The following BAHCC1 variants were observed in gnomAD, a reference collection of about 807,000 sequenced individuals.
BAHCC1 encodes BAH domain and coiled-coil containing 1.
BAHCC1 carries 43 observed loss-of-function variants against 88.2 expected under a neutral mutation model. That is an observed-to-expected ratio of 0.49 (90% CI 0.38 to 0.63). BAHCC1 has a LOEUF of 0.63. Among genes scored for constraint, BAHCC1 ranks in the 20% least tolerant of loss-of-function variants. The pLI, the probability that BAHCC1 is intolerant of heterozygous loss-of-function variation, is 0.00. For missense variants in BAHCC1, 3,023 were observed against 1,654.8 expected (o/e 1.83, Z -14.34); for synonymous variants, 1,510 against 745.5 (o/e 2.03, Z -16.71).
Position 81,462,883 on chromosome 17 carries a change from G to C in BAHCC1, c.7527G>C (p.Met2509Ile). The C allele has an allele frequency of 2.5e-6, 2 of 785,292 alleles. No homozygotes were observed. The allele number at this position is 785,292 out of a possible 1,614,324, so 48.6% of individuals were successfully genotyped here. A position where few individuals can be genotyped will look rare whatever the true frequency, so the allele number is the denominator to read the frequency against. ...CCTACATCGGCCGCATCGAGAGCAT[G>C]TGGGAGTCGTGGGGCAGCAACATGG... ...NLPYIGRIES[M>I]WESWGSNMVV... is the part of the protein sequence containing the mutation. Residue 2509 changes from methionine to isoleucine, a missense_variant, in exon 27 of 28, where the codon ATG becomes ATC. Coordinates refer to ENST00000675386, the MANE Select transcript of BAHCC1 (RefSeq NM_001377448.1).
Position 81,442,338 on chromosome 17 carries a change from CCGG to C in BAHCC1, c.990_992del (p.Gly331del), listed in dbSNP as rs1568017707. On this transcript the variant is annotated inframe_deletion, in exon 5 of 28. Transcript: ENST00000675386. Reference sequence around the variant, plus strand: ...AAGGAGGCAGCAGGCCCCCCGGAGCCCGGGCCGGCCTTCAGCGAGTGCCTGGAG... The same window carrying C: ...AAGGAGGCAGCAGGCCCCCCGGAGCCGCCGGCCTTCAGCGAGTGCCTGGAG... The C allele has an allele frequency of 1.4e-6, 1 of 692,782 alleles. No homozygotes were observed. The highest frequency in any genetic ancestry group is 2.1e-5 in the Admixed American group (1 of 47,342). The allele number at this position is 692,782 out of a possible 1,614,324, so 42.9% of individuals were successfully genotyped here.
chr17:81,458,553 T>A, intron 18 of BAHCC1, 68 bp from the exon 19 acceptor site: 1 of 492,412 alleles, frequency 2.0e-6, no homozygotes, highest in Admixed American at 2.8e-5. Context: ...CGCTGGCCCC[T>A]GAGCTCTGGG....
At chr17:81,446,219 C>G (rs2064524118) in intron 10 of BAHCC1, among the ~76,000 whole-genome samples, 1 of 152,234 alleles carries the variant, frequency 6.6e-6, no homozygotes, top group Admixed American at 6.5e-5. Flanking sequence ...AAAACCCGTC[C>G]TAGTTTCACA....
intron 3 of BAHCC1, among the ~76,000 whole-genome samples, chr17:81,429,692 G>T (rs1035124042): frequency 3.3e-5 from 5 of 152,334 alleles, no homozygotes; most frequent in Non-Finnish European, 7.4e-5. Flanking sequence ...CCTTGCCCAC[G>T]TTTCCTCCTA....
chr17:81,439,954 C>T (rs2064388454), intron 4 of BAHCC1, among the ~76,000 whole-genome samples: 1 of 152,174 alleles, frequency 6.6e-6, no homozygotes, highest in South Asian at 2.1e-4. Context: ...GCCTGCACTT[C>T]CTCGCCTGCA....
At position 81,442,462 on chromosome 17, in the gene BAHCC1, G is replaced by C. The variant is rs1410855962; in HGVS notation, c.1113G>C (p.Gly371=). Residue 371 remains glycine (G), a synonymous_variant, in exon 5 of 28, where the codon GGG becomes GGC. Coordinates refer to ENST00000675386, the MANE Select transcript of BAHCC1 (RefSeq NM_001377448.1). Reference sequence around the variant, plus strand: ...CCTTCCCCTGCCTGCAGCTGCACGGGGGCCCTGACGGGCTCTGCCCGCTGC... The same window carrying C: ...CCTTCCCCTGCCTGCAGCTGCACGGCGGCCCTGACGGGCTCTGCCCGCTGC... ...AGSFPCLQLH[G]GPDGLCPLQD... 4 of 716,532 alleles carry C rather than the reference G, an allele frequency of 5.6e-6. No homozygotes were observed. The African/African-American group carries it at 7.0e-5, about 13-fold the overall frequency. The allele number at this position is 716,532 out of a possible 1,614,324, so 44.4% of individuals were successfully genotyped here.
chr17:81,440,915 G>T (rs1046383761), intron 4 of BAHCC1, among the ~76,000 whole-genome samples: 11 of 152,230 alleles, frequency 7.2e-5, no homozygotes, highest in African/African-American at 2.4e-4. Flanking sequence ...AGGTGGGTGA[G>T]CCCTTCCTCC....
At chr17:81,453,598 C>A (rs1008665773) in intron 14 of BAHCC1, among the ~76,000 whole-genome samples, 2 of 152,032 alleles carry the variant, frequency 1.3e-5, no homozygotes, top group Non-Finnish European at 2.9e-5. Flanking sequence ...GCTGCCCCCC[C>A]CCAGAGCTGC....
chr17:81,456,192 G>A (rs1228110128), intron 15 of BAHCC1, 105 bp from the exon 16 acceptor site: 23 of 626,166 alleles, frequency 3.7e-5, no homozygotes, highest in Non-Finnish European at 5.7e-5. Flanking sequence ...GGGGCCTCGA[G>A]GTACCAGTTC....
At chr17:81,454,498 C>T (rs1555656702) in intron 14 of BAHCC1, among the ~76,000 whole-genome samples, 2 of 152,110 alleles carry the variant, frequency 1.3e-5, no homozygotes, top group African/African-American at 4.8e-5. Context: ...CAACGGGGTC[C>T]CTGGGGACTC....
intron 3 of BAHCC1, among the ~76,000 whole-genome samples, chr17:81,437,982 G>T (rs2064358887): frequency 6.6e-6 from 1 of 152,230 alleles, no homozygotes; most frequent in South Asian, 2.1e-4. Flanking sequence ...TCCGGGCCTG[G>T]TTCTCCTTTG....
rs1257971470 is a variant in BAHCC1 at position 81,444,369 on chromosome 17, C to T, written c.2325-12C>T. ...TGGCGCCGGCGGCAGGGCTGAGCCC[C>T]AGGTCTTACAGGGACAGCAAAGACC... On this transcript the variant is annotated splice_polypyrimidine_tract_variant and intron_variant, in intron 6 of 27. Transcript: ENST00000675386. 8 of 729,102 alleles carry T rather than the reference C, an allele frequency of 1.1e-5. No homozygotes were observed. The highest frequency in any genetic ancestry group is 5.7e-5 in the Admixed American group (3 of 52,768). 45.2% of individuals were successfully genotyped at this position (729,102 alleles called of 1,614,324 possible). A position where few individuals can be genotyped will look rare whatever the true frequency, so the allele number is the denominator to read the frequency against.
rs1429529026 is a variant in BAHCC1 at position 81,461,491 on chromosome 17, C to T, written c.6828C>T (p.Gly2276=). ...GGCTGGCGCTGCGCAAGTACGCGGG[C>T]CAGGCAGAGTTCCCGCTGCCCTACG... ...PMGLALRKYA[G]QAEFPLPYDS... The change falls in exon 26 of 28, where the codon GGC becomes GGT. Residue 2276 remains glycine, a synonymous_variant. Transcript: ENST00000675386. 5 of 744,182 alleles carry T rather than the reference C, an allele frequency of 6.7e-6. No individual in the cohort carries two copies. The highest frequency in any genetic ancestry group is 1.2e-5 in the Non-Finnish European group (5 of 401,036). 46.1% of individuals were successfully genotyped at this position (744,182 alleles called of 1,614,324 possible).
Position 81,442,371 on chromosome 17 carries a change from G to T in BAHCC1, c.1022G>T (p.Arg341Leu). ...GCCTTCAGCGAGTGCCTGGAGCGGC[G>T]GCAGATGCTACACCACACCGCATCC... The part of the protein sequence containing the change: ...GPAFSECLER[R>L]QMLHHTASYA... The change falls in exon 5 of 28, where the codon CGG becomes CTG. Residue 341 changes from arginine to leucine, a missense_variant. Physicochemically the swap from Arg to Leu is moderately radical, Grantham distance 102. Transcript: ENST00000675386. 1 of 701,876 alleles carries T rather than the reference G, an allele frequency of 1.4e-6. No individual in the cohort carries two copies. The allele number at this position is 701,876 out of a possible 1,614,324, so 43.5% of individuals were successfully genotyped here. A position where few individuals can be genotyped will look rare whatever the true frequency, so the allele number is the denominator to read the frequency against.
chr17:81,405,046 TTTTG>T (rs1555646623), intron 2 of BAHCC1, among the ~76,000 whole-genome samples: 1 of 151,054 alleles, frequency 6.6e-6, no homozygotes, highest in Non-Finnish European at 1.5e-5. Flanking sequence ...GTCTGGTGTG[TTTTG>T]TTTTTGTTTT....
Position 81,399,865 on chromosome 17 carries a change from C to A in BAHCC1, c.126C>A (p.His42Gln). The change falls in exon 2 of 28, where the codon CAC becomes CAA. Residue 42 changes from histidine (H) to glutamine (Q), a missense_variant. His to Gln is a conservative substitution (Grantham distance 24). Coordinates refer to ENST00000675386, the MANE Select transcript of BAHCC1 (RefSeq NM_001377448.1). The surrounding 1 kb of genome is among the most constrained non-coding windows in gnomAD (Gnocchi z 4.5). ...PAGPAAQPPA[H>Q]FQPGKYFPSP... ...GGCCCGCCGCGCAGCCCCCCGCACA[C>A]TTCCAGCCGGGAAAGTACTTCCCGT... The A allele has an allele frequency of 6.9e-7, 1 of 1,450,766 alleles. No individual in the cohort carries two copies. 89.9% of individuals were successfully genotyped at this position (1,450,766 alleles called of 1,614,324 possible). A position where few individuals can be genotyped will look rare whatever the true frequency, so the allele number is the denominator to read the frequency against.
At chr17:81,412,362 TA>T (rs1200394406) in intron 2 of BAHCC1, among the ~76,000 whole-genome samples, 4 of 152,244 alleles carry the variant, frequency 2.6e-5, no homozygotes, top group Admixed American at 2.0e-4. Flanking sequence ...GGCTAACTCT[TA>T]AAAAGCCCTT....
At position 81,461,497 on chromosome 17, in the gene BAHCC1, A is replaced by G; in HGVS notation, c.6834A>G (p.Ala2278=). The G allele has an allele frequency of 1.3e-6, 1 of 743,656 alleles. No homozygotes were observed. The highest frequency in any genetic ancestry group is 2.5e-5 in the East Asian group (1 of 39,430). The allele number at this position is 743,656 out of a possible 1,614,324, so 46.1% of individuals were successfully genotyped here. A position where few individuals can be genotyped will look rare whatever the true frequency, so the allele number is the denominator to read the frequency against. The change falls in exon 26 of 28, where the codon GCA becomes GCG. Residue 2278 remains alanine (A), a synonymous_variant. Coordinates refer to ENST00000675386, the MANE Select transcript of BAHCC1 (RefSeq NM_001377448.1). ...CGCTGCGCAAGTACGCGGGCCAGGCAGAGTTCCCGCTGCCCTACGACAGCG... is the reference window on the plus strand; with the variant it reads ...CGCTGCGCAAGTACGCGGGCCAGGCGGAGTTCCCGCTGCCCTACGACAGCG... ...GLALRKYAGQ[A]EFPLPYDSDC...
chr17:81,447,044 C>T lies in BAHCC1; in HGVS notation c.3172C>T (p.Pro1058Ser), dbSNP rs2064542009. 3.9e-6 allele frequency: 3 copies of T among 779,202 alleles called. No individual in the cohort carries two copies. Among genetic ancestry groups the T allele is most frequent in the East Asian group, 2.4e-5 (1 of 41,266 alleles). 48.3% of individuals were successfully genotyped at this position (779,202 alleles called of 1,614,324 possible). ...DIITSEPDLPPGYLRPMAGLG... is the reference protein window; with the variant it reads ...DIITSEPDLPSGYLRPMAGLG... ...TGTCCCCTCCTTTGCAGACCTGCCT[C>T]CCGGATACCTGCGCCCCATGGCTGG... is the stretch of plus-strand genomic sequence containing the variant. Residue 1058 changes from proline to serine, a missense_variant, in exon 11 of 28, where the codon CCC (proline) becomes TCC (serine). Pro to Ser is a moderately conservative substitution (Grantham distance 74, BLOSUM62 -1). Transcript: ENST00000675386.
Sources: gnomAD v4.1 joint callset for allele counts (sites outside exome capture counted in the v4.1 genomes callset) on GRCh38, gnomAD v4.1.1 for gene constraint, Gnocchi (gnomAD v3.1) non-coding constraint, MANE v1.5 for transcripts, NCBI Gene and HGNC (gene_info 2026-07-23, HGNC 2026-07-21) for gene names.